Variants in XPA observed in about 807,000 individuals in gnomAD.
XPA encodes the protein DNA repair protein complementing XP-A cells.
In XPA, 27 loss-of-function variants were observed where a neutral mutation model predicts 35.7. The ratio of observed to expected loss-of-function variants is 0.76; its 90% CI spans 0.56 to 1.04. The LOEUF (loss-of-function observed/expected upper bound fraction) is 1.04. Among genes scored for constraint, XPA ranks in the 50% least tolerant of loss-of-function variants. The pLI is 0.00. For missense variants in XPA, 354 were observed against 342.7 expected (o/e 1.03, Z -0.26); for synonymous variants, 133 against 118.4 (o/e 1.12, Z -0.80).
rs1384309620 is a variant in XPA at position 97,675,589 on chromosome 9, T to C, written c.674-2A>G. ...TGCTTCTTACTGCTCGCCGCAATTC[T>C]GAAAAAAAAATTTTAAAGTCATCTT... On this transcript the variant is annotated splice_acceptor_variant, in intron 5 of 5. Transcript: ENST00000375128. LOFTEE classifies it high-confidence loss of function. 1.9e-6 allele frequency: 3 copies of C among 1,613,886 alleles called. No homozygotes were observed. The highest frequency in any genetic ancestry group is 1.7e-6 in the Non-Finnish European group (2 of 1,179,874).
intron 5 of XPA, among the ~76,000 whole-genome samples, chr9:97,681,300 A>G (rs1346196738): frequency 1.3e-5 from 2 of 152,028 alleles, no homozygotes; most frequent in African/African-American, 2.4e-5. Context: ...TAACAGGAGG[A>G]AAAAAAATTA....
the XPA span, chr9:97,656,151 T>C: frequency 2.4e-6 from 3 of 1,256,932 alleles, no homozygotes; most frequent in Admixed American, 3.6e-5. Flanking sequence ...TCTGCACTTG[T>C]GATGTGTGTT....
the XPA span, chr9:97,668,792 T>C: frequency 6.3e-7 from 1 of 1,582,388 alleles, no homozygotes; most frequent in Non-Finnish European, 8.6e-7. Flanking sequence ...TGGAGGAGAT[T>C]TAACACACTG....
At chr9:97,677,086 C>CATCTGGCCACT in intron 5 of XPA, among the ~76,000 whole-genome samples, 1 of 40,004 alleles carries the variant, frequency 2.5e-5, no homozygotes, top group Middle Eastern at 0.016. Flanking sequence ...TGGTTCTCAC[C>CATCTGGCCACT]TTATCCCACT....
intron 5 of XPA, chr9:97,675,991 A>G: frequency 4.4e-6 from 1 of 225,422 alleles, no homozygotes; most frequent in Non-Finnish European, 8.9e-6. Context: ...AGTGTTTTTA[A>G]GTTCCTGTTA....
chr9:97,654,619 G>C, the XPA span, among the ~76,000 whole-genome samples: 539 of 152,046 alleles, frequency 3.5e-3, 21 homozygotes, highest in East Asian at 0.09. Flanking sequence ...ATGTATGCCT[G>C]TGCGTATGGA....
chr9:97,661,978 G>T, the XPA span: 1 of 1,120,364 alleles, frequency 8.9e-7, no homozygotes, highest in Non-Finnish European at 1.3e-6. Flanking sequence ...TTTAGCATTT[G>T]AGGTAAGGCA....
intron 2 of XPA, 44 bp downstream of exon 2, chr9:97,693,605 A>C (rs1217110424): frequency 6.4e-7 from 1 of 1,556,932 alleles, no homozygotes; most frequent in Admixed American, 1.7e-5. Flanking sequence ...CATGTTACTC[A>C]AAATAACCAA....
At chr9:97,660,247 A>T in the XPA span, among the ~76,000 whole-genome samples, 4 of 152,178 alleles carry the variant, frequency 2.6e-5, no homozygotes, top group Non-Finnish European at 4.4e-5. Flanking sequence ...CTCATACTCT[A>T]TAACAGGATT....
the XPA span, chr9:97,655,564 C>A: frequency 9.0e-5 from 54 of 596,806 alleles, no homozygotes; most frequent in Non-Finnish European, 1.5e-4. Flanking sequence ...GCAGAAGATA[C>A]AACTGCATGT....
At chr9:97,696,304 AC>A (rs1209611365) in intron 1 of XPA, among the ~76,000 whole-genome samples, 7 of 152,226 alleles carry the variant, frequency 4.6e-5, no homozygotes, top group Non-Finnish European at 5.9e-5. Flanking sequence ...CTGCCTGTCA[AC>A]CAAACTATAT....
At chr9:97,668,710 C>G in the XPA span, 1 of 878,194 alleles carries the variant, frequency 1.1e-6, no homozygotes. Flanking sequence ...GTGTGGGTGG[C>G]GGGGTGGGGG....
the XPA span, among the ~76,000 whole-genome samples, chr9:97,657,669 T>A: frequency 1.7e-4 from 26 of 152,324 alleles, no homozygotes; most frequent in East Asian, 4.8e-3. Flanking sequence ...ACTAAGATGG[T>A]TGCCAAGTGA....
rs574504791 is a variant in XPA at position 97,697,280 on chromosome 9, C to T, written c.13G>A (p.Asp5Asn). The T allele has an allele frequency of 1.1e-5, 17 of 1,598,556 alleles. No individual in the cohort carries two copies. The South Asian group carries it at 1.2e-4, about 11-fold the overall frequency. ...GCCGCCGCCTCCGGCAAAGCCCCGT[C>T]GGCCGCCGCCATCTCTGGCCCACTC... MAAA[D>N]GALPEAAALE... The change falls in exon 1 of 6, where the codon GAC becomes AAC. Residue 5 changes from aspartate (D) to asparagine (N), a missense_variant. Asp to Asn is a conservative substitution (Grantham distance 23, BLOSUM62 1). Coordinates refer to ENST00000375128, the MANE Select transcript of XPA (RefSeq NM_000380.4).
intron 5 of XPA, among the ~76,000 whole-genome samples, chr9:97,678,596 C>A (rs1038305364): frequency 1.3e-5 from 2 of 152,182 alleles, no homozygotes; most frequent in African/African-American, 4.8e-5. Flanking sequence ...AGAATGCTGA[C>A]TGCCAATTGC....
rs1337034511 is a variant in XPA, at chr9:97,691,383, A to T, written c.284-1744T>A. Among the ~76,000 whole-genome samples, 3 of 152,190 alleles carry T rather than the reference A, an allele frequency of 2.0e-5. No individual in the cohort carries two copies. In the East Asian group the frequency reaches 5.8e-4, roughly 29 times the overall value. ...AGCTAAGGAACTTAATCCTGTAAGA[A>T]CTGTTTCTCCCAGCAAGTCTTTAAA... On this transcript the variant is annotated intron_variant, in intron 2 of 5. Coordinates refer to ENST00000375128, the MANE Select transcript of XPA (RefSeq NM_000380.4).
chr9:97,660,654 C>T, the XPA span, among the ~76,000 whole-genome samples: 1 of 152,162 alleles, frequency 6.6e-6, no homozygotes, highest in Non-Finnish European at 1.5e-5. Flanking sequence ...TTTCTCCTTA[C>T]CATTCATCTT....
intron 5 of XPA, among the ~76,000 whole-genome samples, chr9:97,680,468 T>TGAAGTGTTGGGATTACA (rs1032242506): frequency 1.3e-5 from 2 of 152,094 alleles, no homozygotes; most frequent in Admixed American, 6.6e-5. Flanking sequence ...CTCGGCCTCC[T>TGAAGTGTTGGGATTACA]GAAGTGTTGG....
the XPA span, chr9:97,669,894 T>C: frequency 1.5e-6 from 1 of 645,778 alleles, no homozygotes; most frequent in Non-Finnish European, 2.8e-6. Flanking sequence ...ACCACTTAGA[T>C]TCCTAATTGC....
Sources: allele counts gnomAD v4.1 joint callset (sites outside exome capture counted in the v4.1 genomes callset), GRCh38; gene constraint gnomAD v4.1.1; transcripts MANE v1.5; gene names NCBI Gene and HGNC (gene_info 2026-07-23, HGNC 2026-07-21).